Variants in CFAP54 observed in about 807,000 individuals in gnomAD.
The protein encoded by CFAP54 is cilia- and flagella-associated protein 54.
Under a neutral mutation model 370.4 loss-of-function variants are expected in CFAP54, and 290 were observed. The ratio of observed to expected loss-of-function variants is 0.78; its 90% CI spans 0.71 to 0.86. The LOEUF (loss-of-function observed/expected upper bound fraction) is 0.86, where lower values mean the gene tolerates loss of function less well. CFAP54 is among the 40% of genes least tolerant of loss of function. CFAP54 has a pLI of 0.00. For synonymous variants in CFAP54, 1,206 were observed against 1,236.5 expected (o/e 0.98, Z 0.52); for missense variants, 3,399 against 3,528.7 (o/e 0.96, Z 0.93).
chr12:96,752,485 A>T (rs543529385), intron 55 of CFAP54, among the ~76,000 whole-genome samples: 3 of 152,192 alleles, frequency 2.0e-5, no homozygotes, highest in African/African-American at 7.2e-5. Flanking sequence ...TATCTGTATC[A>T]GAGTCCTACA....
chr12:96,676,032 A>G (rs1957203467), intron 39 of CFAP54, among the ~76,000 whole-genome samples: 1 of 152,118 alleles, frequency 6.6e-6, no homozygotes, highest in East Asian at 1.9e-4. Context: ...GCACATGTAT[A>G]CATATGTAAC....
In CFAP54 at chr12:96,743,894, G is replaced by A; in HGVS notation, c.7541G>A (p.Ser2514Asn). ...TTAAATTTGTTAACTCGGGCTCATA[G>A]CATTCTAACTGAACAGGTGAGAATG... ...GKLNLLTRAH[S>N]ILTEQMLAFG... Residue 2514 changes from serine to asparagine, a missense_variant, in exon 54 of 68, where the codon AGC becomes AAC. By Grantham distance (46) the Ser-to-Asn change is conservative. Transcript: ENST00000524981. 2 of 1,612,708 alleles carry A rather than the reference G, an allele frequency of 1.2e-6. No individual in the cohort carries two copies. Among genetic ancestry groups the A allele is most frequent in the Non-Finnish European group, 1.7e-6 (2 of 1,179,596 alleles).
At chr12:96,530,901 C>T (rs1240060446) in intron 9 of CFAP54, among the ~76,000 whole-genome samples, 1 of 152,168 alleles carries the variant, frequency 6.6e-6, no homozygotes. Flanking sequence ...CCCACTGTGA[C>T]TTTAATTTGC....
At chr12:96,854,752 C>A (rs1268733253) in intron 66 of CFAP54, among the ~76,000 whole-genome samples, 1 of 152,108 alleles carries the variant, frequency 6.6e-6, no homozygotes, top group African/African-American at 2.4e-5. Flanking sequence ...TTTGAATAAA[C>A]TCATTTAATC....
In CFAP54 at chr12:96,561,773, C is replaced by CTTT. The variant is rs376442763; in HGVS notation, c.2411-2678_2411-2676dup. Among the ~76,000 whole-genome samples the CTTT allele has an allele frequency of 3.1e-3, 292 of 94,846 alleles. 38 individuals are homozygous for CTTT. Among genetic ancestry groups the CTTT allele is most frequent in the African/African-American group, 0.011 (252 of 23,408 alleles). 62.2% of individuals were successfully genotyped at this position (94,846 alleles called of 152,430 possible). On this transcript the variant is annotated intron_variant, in intron 17 of 67. Transcript: ENST00000524981. ...TGTATATATATTTAAATCACAAGTT[C>CTTT]TTTTTTTTTTTTTTTTTTTGAGATG... is the stretch of plus-strand genomic sequence containing the variant.
chr12:96,609,561 A>G (rs1956333597), intron 26 of CFAP54, among the ~76,000 whole-genome samples: 1 of 152,186 alleles, frequency 6.6e-6, no homozygotes, highest in Non-Finnish European at 1.5e-5. Context: ...AGTGAGATTC[A>G]GTATTTTTAG....
intron 22 of CFAP54, among the ~76,000 whole-genome samples, chr12:96,585,062 A>T (rs1482345928): frequency 4.7e-5 from 7 of 149,148 alleles, no homozygotes; most frequent in Admixed American, 4.7e-4. Flanking sequence ...TCTTGAAATG[A>T]TCTTACTCTG....
At chr12:96,834,864 G>A (rs571038387) in intron 66 of CFAP54, among the ~76,000 whole-genome samples, 1 of 152,330 alleles carries the variant, frequency 6.6e-6, no homozygotes, top group East Asian at 1.9e-4. Context: ...ACAGACAAGT[G>A]GAGGGTGAGC....
chr12:96,614,416 G>A (rs978060778), intron 26 of CFAP54, among the ~76,000 whole-genome samples: 1 of 152,152 alleles, frequency 6.6e-6, no homozygotes, highest in Non-Finnish European at 1.5e-5. Context: ...CATACTGAAT[G>A]GGCAAAAACT....
intron 47 of CFAP54, among the ~76,000 whole-genome samples, chr12:96,705,972 A>T (rs766814793): frequency 3.3e-5 from 5 of 151,936 alleles, no homozygotes; most frequent in Non-Finnish European, 7.4e-5. Flanking sequence ...TAAGGCAAAT[A>T]GTTTCTCTTT....
In CFAP54 at chr12:96,654,524, G is replaced by A. The variant is rs958528678; in HGVS notation, c.5100+2709G>A. ...TCAAAAAAAAAAAAAAAATTTATGG[G>A]GTACATGAGAAAATTTGTTATATGC... On this transcript the variant is annotated intron_variant, in intron 36 of 67. Transcript: ENST00000524981. Among the ~76,000 whole-genome samples the A allele has an allele frequency of 4.6e-5, 7 of 152,032 alleles. No homozygotes were observed. The East Asian group carries it at 1.3e-3, about 29-fold the overall frequency.
intron 26 of CFAP54, among the ~76,000 whole-genome samples, chr12:96,602,934 T>C (rs572590338): frequency 2.6e-5 from 4 of 152,216 alleles, no homozygotes; most frequent in Non-Finnish European, 4.4e-5. Context: ...TGTCTTTTAA[T>C]TGGAGCACTT....
chr12:96,664,656 G>A (rs1200654717), intron 39 of CFAP54, among the ~76,000 whole-genome samples: 1 of 117,732 alleles, frequency 8.5e-6, no homozygotes, highest in Non-Finnish European at 1.9e-5. Flanking sequence ...GTGTGTGTGT[G>A]TCTTTATAAT....
chr12:96,654,848 T>TTTTTTTTTTTTTTTTTTTTTTAA, intron 36 of CFAP54, among the ~76,000 whole-genome samples: 1 of 151,092 alleles, frequency 6.6e-6, no homozygotes, highest in Non-Finnish European at 1.5e-5. Flanking sequence ...TTTTTTTTTT[T>TTTTTTTTTTTTTTTTTTTTTTAA]AAGAAATGAG....
intron 32 of CFAP54, among the ~76,000 whole-genome samples, chr12:96,640,240 A>C (rs1186171531): frequency 6.6e-6 from 1 of 152,254 alleles, no homozygotes; most frequent in East Asian, 1.9e-4. Flanking sequence ...GTCTCAGGAT[A>C]CGAAATCAAT....
chr12:96,821,712 A>C (rs1404897614), intron 65 of CFAP54, among the ~76,000 whole-genome samples: 1 of 151,792 alleles, frequency 6.6e-6, no homozygotes, highest in Non-Finnish European at 1.5e-5. Flanking sequence ...TAAAAAAAAA[A>C]AAAAAAAAAG....
chr12:96,605,781 C>A (rs1956293057), intron 26 of CFAP54, among the ~76,000 whole-genome samples: 2 of 152,046 alleles, frequency 1.3e-5, no homozygotes, highest in African/African-American at 4.8e-5. Flanking sequence ...ATGGTGGTGA[C>A]ACAACAGGGA....
intron 8 of CFAP54, among the ~76,000 whole-genome samples, 166 bp downstream of exon 8, chr12:96,522,355 C>T (rs955984134): frequency 7.9e-5 from 12 of 152,224 alleles, no homozygotes; most frequent in Non-Finnish European, 1.5e-4. Context: ...CACGTAGCCT[C>T]GCTTCATCTC....
In CFAP54 at chr12:96,704,733, A is replaced by AT; in HGVS notation, c.6475-6dup. ...CTTGTTCTTGCTGTTACTATTTTGTATTTTGACAGATCTTTCAATCATTTG... is the reference window on the plus strand; with the variant it reads ...CTTGTTCTTGCTGTTACTATTTTGTATTTTTGACAGATCTTTCAATCATTTG... On this transcript the variant is annotated splice_polypyrimidine_tract_variant and intron_variant, in intron 46 of 67. Coordinates refer to ENST00000524981, the MANE Select transcript of CFAP54 (RefSeq NM_001306084.2). The AT allele has an allele frequency of 8.2e-7, 1 of 1,221,734 alleles. No individual in the cohort carries two copies. Among genetic ancestry groups the AT allele is most frequent in the Non-Finnish European group, 1.1e-6 (1 of 880,968 alleles). The allele number at this position is 1,221,734 out of a possible 1,614,324, so 75.7% of individuals were successfully genotyped here. A position where few individuals can be genotyped will look rare whatever the true frequency, so the allele number is the denominator to read the frequency against.
Sources: allele counts gnomAD v4.1 joint callset (sites outside exome capture counted in the v4.1 genomes callset), GRCh38; gene constraint gnomAD v4.1.1; transcripts MANE v1.5; gene names NCBI Gene and HGNC (gene_info 2026-07-23, HGNC 2026-07-21).